IGBP1C: variants seen among roughly 807,000 people sequenced by gnomAD.
The protein encoded by IGBP1C is IGBP1 family member C.
the IGBP1C span, among the ~76,000 whole-genome samples, chr17:58,674,669 C>CA: frequency 6.6e-6 from 1 of 151,012 alleles, no homozygotes; most frequent in African/African-American, 2.4e-5. Flanking sequence ...GAATCCATCT[C>CA]AAAAAACGAA....
At chr17:58,661,018 A>G in the IGBP1C span, 1 of 1,160,000 alleles carries the variant, frequency 8.6e-7, no homozygotes, top group Non-Finnish European at 1.3e-6. Flanking sequence ...GAAGAAGATA[A>G]TATTCACGAA....
At chr17:58,682,174 C>G in the IGBP1C span, among the ~76,000 whole-genome samples, 1 of 152,064 alleles carries the variant, frequency 6.6e-6, no homozygotes, top group African/African-American at 2.4e-5. Flanking sequence ...GGCTCAAACT[C>G]CTGGGCTCAA....
chr17:58,661,303 C>T, the IGBP1C span: 11 of 820,804 alleles, frequency 1.3e-5, no homozygotes, highest in East Asian at 2.7e-4. Flanking sequence ...GATCTAGACG[C>T]TTACGGGGGT....
the IGBP1C span, chr17:58,666,614 G>C: frequency 6.6e-6 from 1 of 152,128 alleles, no homozygotes. Flanking sequence ...AAATCGTAGG[G>C]ATCAGCACAA....
the IGBP1C span, among the ~76,000 whole-genome samples, chr17:58,678,737 T>G: frequency 6.6e-6 from 1 of 151,592 alleles, no homozygotes; most frequent in Non-Finnish European, 1.5e-5. Flanking sequence ...GACGAGTTAA[T>G]GGGTGCAGCA....
the IGBP1C span, among the ~76,000 whole-genome samples, chr17:58,683,427 A>G: frequency 6.6e-6 from 1 of 151,844 alleles, no homozygotes; most frequent in African/African-American, 2.4e-5. Context: ...ATAAGTAAAC[A>G]TATAAAATCT....
At chr17:58,662,093 T>C in the IGBP1C span, among the ~76,000 whole-genome samples, 1 of 151,664 alleles carries the variant, frequency 6.6e-6, no homozygotes, top group African/African-American at 2.4e-5. Flanking sequence ...TGTGTATGTA[T>C]GATGTAAAAA....
the IGBP1C span, among the ~76,000 whole-genome samples, chr17:58,678,846 AT>A: frequency 6.7e-6 from 1 of 148,402 alleles, no homozygotes; most frequent in African/African-American, 2.5e-5. Context: ...AATAATAATA[AT>A]AATAATAAAA....
At chr17:58,661,857 G>A in the IGBP1C span, 1 of 390,258 alleles carries the variant, frequency 2.6e-6, no homozygotes, top group Non-Finnish European at 4.5e-6. Context: ...GAATAATACT[G>A]CCTTCCTGGC....
the IGBP1C span, among the ~76,000 whole-genome samples, chr17:58,673,788 G>C: frequency 6.6e-6 from 1 of 151,784 alleles, no homozygotes; most frequent in Non-Finnish European, 1.5e-5. Flanking sequence ...GCCCAGCTTG[G>C]TCTCAAACTT....
chr17:58,674,839 G>GAA, the IGBP1C span, among the ~76,000 whole-genome samples: 6 of 123,396 alleles, frequency 4.9e-5, no homozygotes, highest in Non-Finnish European at 1.0e-4. Flanking sequence ...GAGGCCTTTG[G>GAA]AAAAAAAAAA....
At chr17:58,675,837 C>T in the IGBP1C span, among the ~76,000 whole-genome samples, 28 of 152,280 alleles carry the variant, frequency 1.8e-4, 1 homozygote, top group East Asian at 1.4e-3. Context: ...CTTGTTCTGT[C>T]GCCTGGGCCT....
the IGBP1C span, chr17:58,675,299 G>A: frequency 6.5e-6 from 1 of 152,802 alleles, no homozygotes; most frequent in Non-Finnish European, 1.5e-5. Context: ...GGCTATGGGT[G>A]GGCAAACTAG....
the IGBP1C span, among the ~76,000 whole-genome samples, chr17:58,669,564 T>C: frequency 6.6e-6 from 1 of 151,414 alleles, no homozygotes; most frequent in Admixed American, 6.6e-5. Flanking sequence ...TGAAACCCCA[T>C]GTCTACTAAA....
the IGBP1C span, chr17:58,660,442 T>C: frequency 5.9e-6 from 3 of 508,864 alleles, no homozygotes; most frequent in African/African-American, 3.9e-5. Context: ...TAACACTTTA[T>C]TGAACTCAAA....
chr17:58,660,543 G>A, the IGBP1C span: 1 of 768,080 alleles, frequency 1.3e-6, no homozygotes, highest in Non-Finnish European at 2.4e-6. Context: ...CGGGGAAGGT[G>A]TGCACCCTGC....
the IGBP1C span, among the ~76,000 whole-genome samples, chr17:58,667,897 A>T: frequency 1.3e-5 from 2 of 151,924 alleles, no homozygotes; most frequent in Non-Finnish European, 2.9e-5. Context: ...TGGCTAAAAA[A>T]AAAAAAAAAA....
chr17:58,678,373 C>T, the IGBP1C span, among the ~76,000 whole-genome samples: 13 of 152,078 alleles, frequency 8.5e-5, no homozygotes, highest in Non-Finnish European at 1.6e-4. Context: ...GACACATGCA[C>T]GTGTATGCTT....
chr17:58,686,500 G>A, the IGBP1C span, among the ~76,000 whole-genome samples: 1 of 152,180 alleles, frequency 6.6e-6, no homozygotes, highest in African/African-American at 2.4e-5. Context: ...CATCTGGACG[G>A]CAGAGGGTCA....
Sources: gnomAD v4.1 joint callset for allele counts (sites outside exome capture counted in the v4.1 genomes callset) on GRCh38, gnomAD v4.1.1 for gene constraint, MANE v1.5 for transcripts, NCBI Gene and HGNC (gene_info 2026-07-23, HGNC 2026-07-21) for gene names.